Variants in WNK1 observed in about 807,000 individuals in gnomAD.
The protein encoded by WNK1 is serine/threonine-protein kinase WNK1.
In WNK1, 38 loss-of-function variants were observed where a neutral mutation model predicts 222.8. The observed-to-expected ratio is 0.17, with a 90% confidence interval of 0.13 to 0.22. The LOEUF (loss-of-function observed/expected upper bound fraction) is 0.22, where lower values mean the gene tolerates loss of function less well. Among genes scored for constraint, WNK1 ranks in the 10% least tolerant of loss-of-function variants. The pLI is 1.00. For missense variants in WNK1, 2,348 were observed against 2,918.4 expected, an observed-to-expected ratio of 0.80 and a Z score of 4.50; for synonymous variants, 1,090 against 1,092.9, an observed-to-expected ratio of 1.00 and a Z score of 0.05.
At chr12:785,415 C>CA (rs1285304899) in intron 1 of WNK1, among the ~76,000 whole-genome samples, 3 of 142,520 alleles carry the variant, frequency 2.1e-5, no homozygotes, top group Non-Finnish European at 3.1e-5. Context: ...CCCCCACCCC[C>CA]TCGAAGTGGA....
intron 8 of WNK1, chr12:868,349 C>T: frequency 6.2e-7 from 1 of 1,613,886 alleles, no homozygotes; most frequent in Admixed American, 1.7e-5. Flanking sequence ...CTCATCAGTA[C>T]TGTCAAGTCC....
At chr12:773,579 A>G (rs186199544) in intron 1 of WNK1, among the ~76,000 whole-genome samples, 103 of 152,316 alleles carry the variant, frequency 6.8e-4, no homozygotes, top group African/African-American at 2.3e-3. Flanking sequence ...CTAAAAGACA[A>G]TGTCGATATA....
intron 1 of WNK1, among the ~76,000 whole-genome samples, chr12:779,491 G>A (rs529204842): frequency 4.1e-5 from 6 of 147,762 alleles, no homozygotes; most frequent in Admixed American, 2.1e-4. Context: ...TGCAACCTCT[G>A]CCTCCTGAGT....
intron 1 of WNK1, among the ~76,000 whole-genome samples, chr12:795,030 T>A (rs544134233): frequency 2.0e-4 from 30 of 152,294 alleles, no homozygotes; most frequent in Admixed American, 1.8e-3. Flanking sequence ...AGGATTACAG[T>A]CATGAGCTAC....
At chr12:810,070 C>T (rs949192628) in intron 1 of WNK1, among the ~76,000 whole-genome samples, 2 of 151,974 alleles carry the variant, frequency 1.3e-5, no homozygotes, top group South Asian at 2.1e-4. Flanking sequence ...ACCAACATGG[C>T]GAAACCCTGT....
intron 4 of WNK1, among the ~76,000 whole-genome samples, chr12:851,065 A>T (rs1347730792): frequency 6.6e-6 from 1 of 152,246 alleles, no homozygotes; most frequent in East Asian, 1.9e-4. Flanking sequence ...TTAGGTGAAC[A>T]GAGGAACTAT....
intron 1 of WNK1, among the ~76,000 whole-genome samples, chr12:769,976 CTTTTTT>C (rs991651102): frequency 2.1e-5 from 3 of 142,504 alleles, no homozygotes; most frequent in Non-Finnish European, 3.1e-5. Flanking sequence ...GCATAAGTTT[CTTTTTT>C]TTTTTTTTGA....
At chr12:887,356 G>A in intron 20 of WNK1, 52 bp downstream of exon 20, 13 of 1,580,902 alleles carry the variant, frequency 8.2e-6, no homozygotes, top group Non-Finnish European at 1.0e-5. Context: ...CTTTGACAAA[G>A]CTTGCTGAAG....
intron 1 of WNK1, among the ~76,000 whole-genome samples, chr12:787,676 C>G (rs1485491287): frequency 6.6e-6 from 1 of 152,126 alleles, no homozygotes; most frequent in South Asian, 2.1e-4. Context: ...TTCTTACACA[C>G]TTTAATGTAT....
At position 897,508 on chromosome 12, in the gene WNK1, G is replaced by C. The variant is rs771635373; in HGVS notation, c.6275G>C (p.Ser2092Thr). The C allele has an allele frequency of 6.2e-7, 1 of 1,610,888 alleles. No individual in the cohort carries two copies. Among genetic ancestry groups the C allele is most frequent in the Admixed American group, 1.7e-5 (1 of 60,024 alleles). The change falls in exon 25 of 28, where the codon AGT becomes ACT. Residue 2092 changes from serine (S) to threonine (T), a missense_variant. This residue lies in a region of WNK1 where 1,144 missense variants were observed against 1,273.6 expected (regional missense o/e 0.90). Coordinates refer to ENST00000315939, the MANE Select transcript of WNK1 (RefSeq NM_018979.4). ...KHLKEIQDLQ[S>T]RQKHEIESLY... Reference sequence around the variant, plus strand: ...CTCAAAGAGATTCAGGACCTGCAGAGTCGCCAGAAGCATGAAATTGAATCT... The same window carrying C: ...CTCAAAGAGATTCAGGACCTGCAGACTCGCCAGAAGCATGAAATTGAATCT...
chr12:878,107 A>G lies in WNK1; in HGVS notation c.2224-105A>G, dbSNP rs1381021511. On this transcript the variant is annotated intron_variant, in intron 9 of 27. Transcript: ENST00000315939. The stretch of plus-strand genomic sequence containing the variant: ...GTTTGTGCATGTCTTGATTACTAAA[A>G]TCATCATTATTTACAGACACTGAAG... 2.2e-5 allele frequency: 32 copies of G among 1,439,448 alleles called. No individual in the cohort carries two copies. In the East Asian group the frequency reaches 7.0e-4, roughly 32 times the overall value. 89.2% of individuals were successfully genotyped at this position (1,439,448 alleles called of 1,614,324 possible).
intron 6 of WNK1, among the ~76,000 whole-genome samples, chr12:859,999 A>G (rs1951085326): frequency 6.6e-6 from 1 of 152,130 alleles, no homozygotes; most frequent in Non-Finnish European, 1.5e-5. Flanking sequence ...TACAGGTGTG[A>G]GCCACTTCGC....
intron 4 of WNK1, among the ~76,000 whole-genome samples, chr12:850,181 C>T (rs1349153601): frequency 6.6e-6 from 1 of 152,200 alleles, no homozygotes; most frequent in Non-Finnish European, 1.5e-5. Flanking sequence ...TACAGTCCCT[C>T]CAACAGTGTA....
chr12:870,406 G>A (rs1293708374), intron 8 of WNK1, among the ~76,000 whole-genome samples: 1 of 152,176 alleles, frequency 6.6e-6, no homozygotes, highest in Non-Finnish European at 1.5e-5. Flanking sequence ...TAATAGTTAA[G>A]CTGCAGTGGA....
At chr12:786,981 T>C (rs969074294) in intron 1 of WNK1, among the ~76,000 whole-genome samples, 4 of 152,204 alleles carry the variant, frequency 2.6e-5, no homozygotes, top group Non-Finnish European at 5.9e-5. Flanking sequence ...TCCTGCCTTC[T>C]ATGTGTTTTA....
chr12:845,490 C>G (rs1428736545), intron 4 of WNK1, among the ~76,000 whole-genome samples: 1 of 152,134 alleles, frequency 6.6e-6, no homozygotes, highest in Non-Finnish European at 1.5e-5. Flanking sequence ...AAAAAGGATA[C>G]AAAGAAGAGT....
intron 1 of WNK1, among the ~76,000 whole-genome samples, chr12:806,138 AC>A (rs1243303280): frequency 6.6e-6 from 1 of 152,196 alleles, no homozygotes; most frequent in Non-Finnish European, 1.5e-5. Context: ...AAGCACACTT[AC>A]AATATGTCGA....
At chr12:881,647 T>TA in intron 12 of WNK1, 45 bp from the exon 13 acceptor site, 1 of 1,480,320 alleles carries the variant, frequency 6.8e-7, no homozygotes, top group Non-Finnish European at 9.5e-7. Context: ...TAGTGAATGA[T>TA]AAATCTATTA....
intron 8 of WNK1, chr12:868,765 C>T: frequency 1.2e-6 from 2 of 1,614,024 alleles, no homozygotes; most frequent in Non-Finnish European, 1.7e-6. Flanking sequence ...GATTACATGG[C>T]TACTTGCAGC....
Sources: allele counts gnomAD v4.1 joint callset (sites outside exome capture counted in the v4.1 genomes callset), GRCh38; gene constraint gnomAD v4.1.1; regional missense constraint gnomAD v4.1.1; transcripts MANE v1.5; gene names NCBI Gene and HGNC (gene_info 2026-07-23, HGNC 2026-07-21).